TBC1D15: variants seen among roughly 807,000 people sequenced by gnomAD.
TBC1D15 encodes TBC1 domain family member 15.
In TBC1D15, 39 loss-of-function variants were observed where a neutral mutation model predicts 95.4. That is an observed-to-expected ratio of 0.41 (90% CI 0.32 to 0.53). TBC1D15 has a LOEUF of 0.53. Ranked by LOEUF, TBC1D15 falls within the 20% of genes least tolerant of loss-of-function variation. The pLI is 0.29. For missense variants in TBC1D15, 733 were observed against 794.3 expected (o/e 0.92, Z 0.93); for synonymous variants, 258 against 261.3 (o/e 0.99, Z 0.12).
At chr12:71,869,394 A>G (rs189924710) in intron 1 of TBC1D15, among the ~76,000 whole-genome samples, 32 of 152,234 alleles carry the variant, frequency 2.1e-4, no homozygotes, top group Non-Finnish European at 4.0e-4. Context: ...ATGGTGGTGC[A>G]TGCTTGTAAT....
intron 1 of TBC1D15, among the ~76,000 whole-genome samples, chr12:71,848,309 C>T (rs1428853356): frequency 6.6e-6 from 1 of 152,188 alleles, no homozygotes; most frequent in East Asian, 1.9e-4. Flanking sequence ...TTTCCACTGG[C>T]AGTGTATGAA....
At chr12:71,874,842 C>T (rs1413197919) in intron 3 of TBC1D15, among the ~76,000 whole-genome samples, 2 of 151,914 alleles carry the variant, frequency 1.3e-5, no homozygotes, top group South Asian at 2.1e-4. Context: ...AGGCTAGTCT[C>T]GAACTCCTGA....
Position 71,872,966 on chromosome 12 carries a change from A to G in TBC1D15, c.167A>G (p.Asp56Gly). ...ATAGTGGACTGGAGACCATTGGATG[A>G]TGCATTAGATTCCTCTAGTATTCTC... ...EVIVDWRPLD[D>G]ALDSSSILYA... The change falls in exon 3 of 17, where the codon GAT (aspartate) becomes GGT (glycine). Residue 56 changes from aspartate (D) to glycine (G), a missense_variant. Transcript: ENST00000485960. 3.1e-6 allele frequency: 5 copies of G among 1,610,192 alleles called. No individual in the cohort carries two copies. The South Asian group carries it at 4.4e-5, about 14-fold the overall frequency.
intron 11 of TBC1D15, chr12:71,907,776 A>G (rs1214143157): frequency 6.6e-6 from 1 of 152,228 alleles, no homozygotes; most frequent in East Asian, 1.9e-4. Context: ...GTGAAGAAAA[A>G]TACTGATTTG....
chr12:71,888,177 T>C (rs1336157087), intron 5 of TBC1D15, among the ~76,000 whole-genome samples: 1 of 152,138 alleles, frequency 6.6e-6, no homozygotes, highest in Non-Finnish European at 1.5e-5. Flanking sequence ...TGTAAACAAA[T>C]GAGAAGTATG....
At chr12:71,911,538 C>T (rs1248651022) in intron 11 of TBC1D15, among the ~76,000 whole-genome samples, 45 of 148,208 alleles carry the variant, frequency 3.0e-4, no homozygotes, top group Non-Finnish European at 4.4e-5. Context: ...AAACCAAACA[C>T]CGCATGTTCT....
In TBC1D15 at chr12:71,875,520, A is replaced by T. The variant is rs545156489; in HGVS notation, c.204+2517A>T. 2.7e-5 allele frequency among the ~76,000 whole-genome samples: 4 copies of T among 149,686 alleles called. No individual in the cohort carries two copies. In the South Asian group the frequency reaches 8.5e-4, roughly 32 times the overall value. On this transcript the variant is annotated intron_variant, in intron 3 of 16. Coordinates refer to ENST00000485960, the MANE Select transcript of TBC1D15 (RefSeq NM_001146213.3). Reference sequence around the variant, plus strand: ...TTTTATAGTTTTAGCTCTTATATTTAGATTGGTGATTTTTTTTTTCTTTCT... The same window carrying T: ...TTTTATAGTTTTAGCTCTTATATTTTGATTGGTGATTTTTTTTTTCTTTCT...
chr12:71,921,495 T>C, intron 16 of TBC1D15, 41 bp downstream of exon 16: 1 of 1,272,646 alleles, frequency 7.9e-7, no homozygotes, highest in Non-Finnish European at 1.1e-6. Context: ...TGTTTGTTTT[T>C]GGTGGGTTGA....
intron 1 of TBC1D15, among the ~76,000 whole-genome samples, chr12:71,863,860 G>T (rs994980496): frequency 4.6e-5 from 7 of 151,716 alleles, no homozygotes; most frequent in Non-Finnish European, 1.0e-4. Context: ...CAGAATTTCT[G>T]CTTGGCTCTT....
chr12:71,862,669 C>T (rs528375168), intron 1 of TBC1D15, among the ~76,000 whole-genome samples: 91 of 152,118 alleles, frequency 6.0e-4, no homozygotes, highest in African/African-American at 2.0e-3. Flanking sequence ...AGGATTTATT[C>T]CTCTCATTTC....
chr12:71,868,652 C>T (rs1412731065), intron 1 of TBC1D15: 1 of 152,142 alleles, frequency 6.6e-6, no homozygotes, highest in Non-Finnish European at 1.5e-5. Flanking sequence ...AAAAAATAGG[C>T]AACACTTAAC....
At chr12:71,850,293 G>A (rs1887447421) in intron 1 of TBC1D15, 1 of 482,450 alleles carries the variant, frequency 2.1e-6, no homozygotes, top group South Asian at 1.8e-5. Flanking sequence ...AAATACTGGG[G>A]CTATACTGGC....
rs891745306 is a variant in TBC1D15, at chr12:71,839,862, C to G, written c.30+51C>G. 3 of 1,608,022 alleles carry G rather than the reference C, an allele frequency of 1.9e-6. No homozygotes were observed. The African/African-American group carries it at 4.0e-5, about 21-fold the overall frequency. On this transcript the variant is annotated intron_variant, in intron 1 of 16. Transcript: ENST00000485960. ...TCGGCTTTTCTCTGGGACGGGGATG[C>G]TTTTGCTCCCTGGCAGCTGGTTGGG...
At chr12:71,869,781 G>A (rs1228009830) in intron 1 of TBC1D15, among the ~76,000 whole-genome samples, 4 of 151,982 alleles carry the variant, frequency 2.6e-5, no homozygotes, top group Non-Finnish European at 5.9e-5. Flanking sequence ...ATGAGCATCT[G>A]GTTCACCCTC....
intron 11 of TBC1D15, among the ~76,000 whole-genome samples, chr12:71,908,613 A>T (rs1901402271): frequency 6.6e-6 from 1 of 152,194 alleles, no homozygotes; most frequent in South Asian, 2.1e-4. Context: ...GGTGACAGTA[A>T]GTCAAAAGTT....
intron 5 of TBC1D15, among the ~76,000 whole-genome samples, chr12:71,885,995 A>C (rs1896146035): frequency 6.6e-6 from 1 of 152,260 alleles, no homozygotes; most frequent in Admixed American, 6.5e-5. Context: ...AGCACAAAGC[A>C]TCTTTTAAGT....
chr12:71,851,519 C>G (rs112843383), intron 1 of TBC1D15, among the ~76,000 whole-genome samples: 1 of 152,188 alleles, frequency 6.6e-6, no homozygotes, highest in Admixed American at 6.5e-5. Flanking sequence ...CTCATCTGAG[C>G]CAAGGCTAGT....
intron 1 of TBC1D15, among the ~76,000 whole-genome samples, chr12:71,857,110 T>C (rs183866600): frequency 6.6e-6 from 1 of 151,830 alleles, no homozygotes; most frequent in Non-Finnish European, 1.5e-5. Flanking sequence ...AAATTTATTA[T>C]TTTTTTTCTT....
chr12:71,856,765 C>T (rs1889174151), intron 1 of TBC1D15, among the ~76,000 whole-genome samples: 1 of 152,196 alleles, frequency 6.6e-6, no homozygotes, highest in East Asian at 1.9e-4. Context: ...GCAAACAGCA[C>T]GTAGGATATT....
Sources: gnomAD v4.1 joint callset for allele counts (sites outside exome capture counted in the v4.1 genomes callset) on GRCh38, gnomAD v4.1.1 for gene constraint, MANE v1.5 for transcripts, NCBI Gene and HGNC (gene_info 2026-07-23, HGNC 2026-07-21) for gene names.